Variants in DCP1B observed in about 807,000 individuals in gnomAD.
DCP1B encodes mRNA-decapping enzyme 1B.
A neutral mutation model predicts 60.5 loss-of-function variants in DCP1B; 47 were observed. That is an observed-to-expected ratio of 0.78 (90% CI 0.61 to 0.99). The LOEUF is 0.99. Among genes scored for constraint, DCP1B ranks in the 50% least tolerant of loss-of-function variants. The probability of loss-of-function intolerance (pLI) is 0.00; values close to 1 mark genes in which losing one functional copy is unlikely to be tolerated. For missense variants in DCP1B, 725 were observed against 756.8 expected (o/e 0.96, Z 0.49); for synonymous variants, 267 against 280.3 (o/e 0.95, Z 0.47).
intron 1 of DCP1B, among the ~76,000 whole-genome samples, chr12:2,003,311 G>A (rs1392577691): frequency 3.9e-5 from 6 of 152,140 alleles, no homozygotes; most frequent in Admixed American, 2.6e-4. Context: ...TTATACAACC[G>A]ACTTGAAGAA....
intron 3 of DCP1B, chr12:1,992,113 G>T (rs2039568769): frequency 3.2e-6 from 1 of 310,472 alleles, no homozygotes; most frequent in South Asian, 3.5e-5. Context: ...AACTACAATT[G>T]ATAAAGTGTA....
At chr12:1,981,318 G>C (rs984632260) in intron 3 of DCP1B, among the ~76,000 whole-genome samples, 1 of 152,298 alleles carries the variant, frequency 6.6e-6, no homozygotes, top group South Asian at 2.1e-4. Flanking sequence ...TGAACTTTTA[G>C]GTTAAGTTTC....
chr12:1,943,695 A>T (rs986002149), downstream of DCP1B, among the ~76,000 whole-genome samples: 20 of 152,312 alleles, frequency 1.3e-4, no homozygotes, highest in African/African-American at 4.8e-4. Context: ...AAACCACATG[A>T]TTATCTCAAT....
At chr12:1,970,825 G>A (rs1000759162) in intron 3 of DCP1B, 3 of 280,730 alleles carry the variant, frequency 1.1e-5, no homozygotes, top group Non-Finnish European at 2.1e-5. Flanking sequence ...GAAAATACAA[G>A]GTTGAAAAGA....
chr12:1,972,547 G>T (rs1367098405), intron 3 of DCP1B, among the ~76,000 whole-genome samples: 1 of 152,164 alleles, frequency 6.6e-6, no homozygotes, highest in African/African-American at 2.4e-5. Context: ...GAAGCATGCA[G>T]TTCAAGAACC....
chr12:1,996,240 C>G (rs1056898989), intron 2 of DCP1B, among the ~76,000 whole-genome samples: 2 of 152,186 alleles, frequency 1.3e-5, no homozygotes, highest in Admixed American at 6.5e-5. Flanking sequence ...CTCTATTACT[C>G]TCCTGTTCAT....
downstream of DCP1B, among the ~76,000 whole-genome samples, chr12:1,943,996 GTC>G (rs2030344991): frequency 6.6e-6 from 1 of 152,172 alleles, no homozygotes; most frequent in Non-Finnish European, 1.5e-5. Flanking sequence ...AAGTCAAATT[GTC>G]TCTGTTTGCA....
chr12:1,949,205 C>T lies in DCP1B; in HGVS notation c.1654G>A (p.Glu552Lys). Residue 552 changes from glutamate to lysine, a missense_variant, in exon 8 of 9, where the codon GAG becomes AAG. Coordinates refer to ENST00000280665, the MANE Select transcript of DCP1B (RefSeq NM_152640.5). ...AGGCTGGTGGCAGCAGCAGGTGGCT[C>T]CTGGCCTCCCACAGGCAAGAGGCCG... ...ESGLLPVGGQ[E>K]PPAAATSLLL... 6 of 1,614,148 alleles carry T rather than the reference C, an allele frequency of 3.7e-6. No homozygotes were observed. In the Admixed American group the frequency reaches 8.3e-5, roughly 22 times the overall value.
intron 3 of DCP1B, 81 bp downstream of exon 3, chr12:1,993,183 A>C: frequency 6.3e-7 from 1 of 1,594,646 alleles, no homozygotes; most frequent in Non-Finnish European, 8.6e-7. Flanking sequence ...AAATGCAAAC[A>C]CAATGGCAAA....
intron 1 of DCP1B, among the ~76,000 whole-genome samples, chr12:1,998,961 C>A (rs1207567315): frequency 6.6e-6 from 1 of 152,174 alleles, no homozygotes; most frequent in Non-Finnish European, 1.5e-5. Flanking sequence ...AGCGTAATGT[C>A]AAAACAGCAG....
chr12:1,979,001 G>T (rs1374760288), intron 3 of DCP1B, among the ~76,000 whole-genome samples: 2 of 152,128 alleles, frequency 1.3e-5, no homozygotes, highest in Admixed American at 1.3e-4. Context: ...TTGAGCATTT[G>T]TGTAAAAGTC....
At chr12:1,998,937 G>A (rs1329446242) in intron 1 of DCP1B, among the ~76,000 whole-genome samples, 4 of 151,832 alleles carry the variant, frequency 2.6e-5, no homozygotes, top group Non-Finnish European at 5.9e-5. Flanking sequence ...TGAAAAATAC[G>A]CCCTTTTAAA....
rs1461855758 is a variant in DCP1B at position 1,955,550 on chromosome 12, C to T, written c.533G>A (p.Cys178Tyr). 8.7e-6 allele frequency: 14 copies of T among 1,612,942 alleles called. No individual in the cohort carries two copies. In the African/African-American group the frequency reaches 1.3e-4, roughly 15 times the overall value. ...AKDEYTKCKTCSEPKKITSSS... is the reference protein window; with the variant it reads ...AKDEYTKCKTYSEPKKITSSS... ...ACTGGTTATCTTTTTTGGCTCAGAA[C>T]AGGTTTTACACTGAAATAGAAAAGA... is the stretch of plus-strand genomic sequence containing the variant. Residue 178 changes from cysteine to tyrosine, a missense_variant, in exon 6 of 9, where the codon TGT (cysteine) becomes TAT (tyrosine). By Grantham distance (194) the Cys-to-Tyr change is radical. Coordinates refer to ENST00000280665, the MANE Select transcript of DCP1B (RefSeq NM_152640.5).
intron 1 of DCP1B, among the ~76,000 whole-genome samples, chr12:2,002,869 CT>C (rs2042490439): frequency 6.6e-6 from 1 of 152,036 alleles, no homozygotes; most frequent in African/African-American, 2.4e-5. Context: ...GCTCAATGTT[CT>C]TTATGTAAAA....
At chr12:1,957,042 CA>C (rs1051720223) in intron 5 of DCP1B, among the ~76,000 whole-genome samples, 8 of 152,304 alleles carry the variant, frequency 5.3e-5, no homozygotes, top group African/African-American at 1.9e-4. Context: ...TGCCTACCTA[CA>C]AAACCTTGCT....
At chr12:1,988,152 AC>A (rs1469860958) in intron 3 of DCP1B, among the ~76,000 whole-genome samples, 2 of 152,178 alleles carry the variant, frequency 1.3e-5, no homozygotes, top group African/African-American at 4.8e-5. Flanking sequence ...AACAAATGAC[AC>A]CAAAATCTCA....
In DCP1B at chr12:1,953,001, G is replaced by C. The variant is rs762021257; in HGVS notation, c.939C>G (p.Asn313Lys). 29 of 1,614,126 alleles carry C rather than the reference G, an allele frequency of 1.8e-5. No individual in the cohort carries two copies. In the East Asian group the frequency reaches 6.2e-4, roughly 35 times the overall value. ...GGGTACTGCCATTTTCACAAGGCCGGTTTTCAGGCAGCTCTGACAATGGGT... is the reference window on the plus strand; with the variant it reads ...GGGTACTGCCATTTTCACAAGGCCGCTTTTCAGGCAGCTCTGACAATGGGT... ...DLHPLSELPE[N>K]RPCENGSTHS... is the part of the protein sequence containing the mutation. Residue 313 changes from asparagine to lysine, a missense_variant, in exon 7 of 9, where the codon AAC becomes AAG. Transcript: ENST00000280665.
chr12:1,994,309 C>T lies in DCP1B; in HGVS notation c.192-918G>A, dbSNP rs536339539. 3.9e-5 allele frequency among the ~76,000 whole-genome samples: 6 copies of T among 152,242 alleles called. 1 individual carries two copies. The highest frequency in any genetic ancestry group is 1.4e-4 in the African/African-American group (6 of 41,548). On this transcript the variant is annotated intron_variant, in intron 2 of 8. Transcript: ENST00000280665. ...GGTGCTAGGGCTGTTATTAACAAAC[C>T]CACAGAAATGTTATGAGCAACAGGA...
chr12:1,958,503 AG>A (rs1393064883), intron 5 of DCP1B, among the ~76,000 whole-genome samples: 1 of 145,434 alleles, frequency 6.9e-6, no homozygotes, highest in African/African-American at 2.6e-5. Context: ...GGAAGAAGAC[AG>A]GGGAAAAGCT....
Sources: gnomAD v4.1 joint callset for allele counts (sites outside exome capture counted in the v4.1 genomes callset) on GRCh38, gnomAD v4.1.1 for gene constraint, MANE v1.5 for transcripts, NCBI Gene and HGNC (gene_info 2026-07-23, HGNC 2026-07-21) for gene names.